LTBP1: variants seen among roughly 807,000 people sequenced by gnomAD.
LTBP1 encodes the protein latent transforming growth factor beta binding protein 1, also known as latent-transforming growth factor beta-binding protein 1.
In LTBP1, 129 loss-of-function variants were observed where a neutral mutation model predicts 207.6. The observed-to-expected ratio is 0.62, with a 90% CI of 0.54 to 0.72. The LOEUF (loss-of-function observed/expected upper bound fraction) is 0.72. LTBP1 is among the 30% of genes least tolerant of loss of function. LTBP1 has a pLI of 0.00. For synonymous variants in LTBP1, 963 were observed against 833.7 expected, an observed-to-expected ratio of 1.16 and a Z score of -2.67; for missense variants, 2,281 against 2,217.2, an observed-to-expected ratio of 1.03 and a Z score of -0.58.
chr2:32,947,744 C>T lies in LTBP1; in HGVS notation c.420C>T (p.Arg140=), dbSNP rs759522012. ...CCAAACAAGGCAGGCAAGTTGTGCG[C>T]TCCAAGGTGCCGCAGGAGACCCAGA... is the stretch of plus-strand genomic sequence containing the variant. ...PFTKQGRQVV[R]SKVPQETQSG... is the part of the protein sequence containing the mutation. Residue 140 remains arginine (R), a synonymous_variant, in exon 1 of 34, where the codon CGC becomes CGT. Coordinates refer to ENST00000404816, the MANE Select transcript of LTBP1 (RefSeq NM_206943.4). 6 of 1,536,444 alleles carry T rather than the reference C, an allele frequency of 3.9e-6. No homozygotes were observed. The Admixed American group carries it at 5.9e-5, about 15-fold the overall frequency.
At chr2:33,239,800 A>G (rs945037188) in intron 9 of LTBP1, among the ~76,000 whole-genome samples, 1 of 151,534 alleles carries the variant, frequency 6.6e-6, no homozygotes, top group Non-Finnish European at 1.5e-5. Flanking sequence ...ACTACTCAGG[A>G]GGCTGAGGCA....
intron 22 of LTBP1, among the ~76,000 whole-genome samples, chr2:33,308,957 C>G (rs184207914): frequency 3.3e-5 from 5 of 152,154 alleles, no homozygotes; most frequent in African/African-American, 1.2e-4. Context: ...TTGACTTTTC[C>G]TCTTCCATTT....
intron 19 of LTBP1, among the ~76,000 whole-genome samples, chr2:33,285,392 A>G (rs1281014009): frequency 6.7e-6 from 1 of 148,930 alleles, no homozygotes; most frequent in African/African-American, 2.5e-5. Flanking sequence ...AGCTCATGTC[A>G]TATAGTTTTT....
At chr2:33,159,578 C>G (rs1462787049) in intron 5 of LTBP1, among the ~76,000 whole-genome samples, 1 of 152,208 alleles carries the variant, frequency 6.6e-6, no homozygotes, top group African/African-American at 2.4e-5. Flanking sequence ...CCCACCCTCC[C>G]CAAACCTAGT....
At chr2:33,353,180 T>C (rs10190501) in intron 26 of LTBP1, among the ~76,000 whole-genome samples, 20,041 of 152,034 alleles carry the variant, frequency 0.13, 1,546 homozygotes, top group African/African-American at 0.2. Context: ...GGTTTTGCCA[T>C]GTTGACCAGC....
intron 9 of LTBP1, among the ~76,000 whole-genome samples, chr2:33,231,105 C>T (rs1304535602): frequency 6.6e-6 from 1 of 152,138 alleles, no homozygotes; most frequent in East Asian, 1.9e-4. Context: ...GACATTGTTC[C>T]TGCCCTTAGA....
At chr2:33,370,196 A>C (rs1199952461) in intron 31 of LTBP1, among the ~76,000 whole-genome samples, 1 of 152,250 alleles carries the variant, frequency 6.6e-6, no homozygotes, top group East Asian at 1.9e-4. Context: ...TATGGCTGCC[A>C]CTAATAGGCG....
At chr2:33,024,882 C>A (rs187486079) in intron 3 of LTBP1, among the ~76,000 whole-genome samples, 1 of 152,326 alleles carries the variant, frequency 6.6e-6, no homozygotes, top group East Asian at 1.9e-4. Flanking sequence ...CCAGGGGCTG[C>A]AGCCAAGCAG....
At chr2:33,189,025 T>C (rs889585731) in intron 7 of LTBP1, among the ~76,000 whole-genome samples, 174 bp downstream of exon 7, 1 of 152,238 alleles carries the variant, frequency 6.6e-6, no homozygotes, top group African/African-American at 2.4e-5. Context: ...GCCACACTTA[T>C]TCATTTACAT....
rs1553347320 is a variant in LTBP1 at position 32,963,042 on chromosome 2, C to CTCAA, written c.565+14099_565+14100insAATC. 6.1e-3 allele frequency among the ~76,000 whole-genome samples: 927 copies of CTCAA among 152,346 alleles called. 11 individuals are homozygous for CTCAA. Among genetic ancestry groups the CTCAA allele is most frequent in the African/African-American group, 0.021 (883 of 41,570 alleles). On this transcript the variant is annotated intron_variant, in intron 2 of 33. Transcript: ENST00000404816. ...GGACAGGGAAATCAGCTCTTTTGGG[C>CTCAA]TCCAGGCCTTGAGAGTAGAGGCTTC...
chr2:32,947,878 C>G (rs940755215), intron 1 of LTBP1, 60 bp downstream of exon 1: 1 of 1,260,160 alleles, frequency 7.9e-7, no homozygotes, highest in Non-Finnish European at 1.0e-6. Context: ...CGCGGAGGGA[C>G]CTGCGGGGTC....
At chr2:33,014,872 C>T (rs899835679) in intron 2 of LTBP1, among the ~76,000 whole-genome samples, 9 of 152,072 alleles carry the variant, frequency 5.9e-5, no homozygotes, top group African/African-American at 2.2e-4. Flanking sequence ...AGAAGACCAA[C>T]CTGGTAGCCA....
chr2:33,263,250 T>C (rs760546120), intron 14 of LTBP1, 44 bp from the exon 15 acceptor site: 1 of 1,164,862 alleles, frequency 8.6e-7, no homozygotes, highest in South Asian at 1.2e-5. Flanking sequence ...TCAATGCACA[T>C]AACGGGCTTT....
chr2:32,977,042 C>T (rs1488034668), intron 2 of LTBP1, among the ~76,000 whole-genome samples: 12 of 152,214 alleles, frequency 7.9e-5, no homozygotes. Context: ...GGTGGAGATG[C>T]CTGCCCTGCT....
chr2:33,076,630 G>A (rs906743407), intron 3 of LTBP1, among the ~76,000 whole-genome samples: 9 of 151,602 alleles, frequency 5.9e-5, no homozygotes, highest in Non-Finnish European at 2.9e-5. Flanking sequence ...TCTGCCTCCC[G>A]GGTTCAAGTG....
chr2:33,389,954 A>C (rs143644351), intron 32 of LTBP1, among the ~76,000 whole-genome samples: 47 of 152,294 alleles, frequency 3.1e-4, no homozygotes, highest in African/African-American at 1.1e-3. Flanking sequence ...TATAATTTCT[A>C]TAACAAAATC....
chr2:33,151,896 C>T (rs917578627), intron 5 of LTBP1, among the ~76,000 whole-genome samples: 1 of 147,318 alleles, frequency 6.8e-6, no homozygotes, highest in Non-Finnish European at 1.5e-5. Flanking sequence ...TTTCTTTATC[C>T]ACTCGTTGAT....
At position 32,946,985 on chromosome 2, in the gene LTBP1, C is replaced by A. The variant is rs1676271677; in HGVS notation, c.-340C>A. 1 of 196,302 alleles carries A rather than the reference C, an allele frequency of 5.1e-6. No homozygotes were observed. Among genetic ancestry groups the A allele is most frequent in the African/African-American group, 2.3e-5 (1 of 42,972 alleles). 12.2% of individuals were successfully genotyped at this position (196,302 alleles called of 1,614,324 possible). ...CCCGCGCGCTCTCGCTCGCTCTCGG[C>A]CACCCTCGCCGGGCCCCGCTGCGGC... On this transcript the variant is annotated 5_prime_UTR_variant, in exon 1 of 34. Transcript: ENST00000404816.
intron 2 of LTBP1, among the ~76,000 whole-genome samples, chr2:33,000,017 A>T (rs1685863451): frequency 7.4e-6 from 1 of 134,384 alleles, no homozygotes; most frequent in Non-Finnish European, 1.6e-5. Flanking sequence ...TCTACTCCAG[A>T]GAGCCAGTAT....
Sources: gnomAD v4.1 joint callset for allele counts (sites outside exome capture counted in the v4.1 genomes callset) on GRCh38, gnomAD v4.1.1 for gene constraint, MANE v1.5 for transcripts, NCBI Gene and HGNC (gene_info 2026-07-23, HGNC 2026-07-21) for gene names.